Variants in ZNF230 observed in about 807,000 individuals in gnomAD.
ZNF230 encodes the protein zinc finger protein FDZF2.
ZNF230 carries 12 observed loss-of-function variants against 10.0 expected under a neutral mutation model. The observed-to-expected ratio is 1.20, with a 90% confidence interval of 0.77 to 1.95. The LOEUF (loss-of-function observed/expected upper bound fraction) is 1.95. ZNF230 is among the 30% of genes most tolerant of loss of function. The probability of loss-of-function intolerance (pLI) is 0.00; values close to 1 mark genes in which losing one functional copy is unlikely to be tolerated. For missense variants in ZNF230, 532 were observed against 565.8 expected (o/e 0.94, Z 0.61); for synonymous variants, 174 against 193.6 (o/e 0.90, Z 0.84).
At position 44,013,866 on chromosome 19, in the gene ZNF230, C is replaced by T. The variant is rs950126298; in HGVS notation, c.*2402C>T. The T allele has an allele frequency of 1.3e-5, 2 of 152,112 alleles. No homozygotes were observed. Among genetic ancestry groups the T allele is most frequent in the African/African-American group, 4.8e-5 (2 of 41,434 alleles). 9.4% of individuals were successfully genotyped at this position (152,112 alleles called of 1,614,324 possible). On this transcript the variant is annotated 3_prime_UTR_variant, in exon 5 of 5. Coordinates refer to ENST00000429154, the MANE Select transcript of ZNF230 (RefSeq NM_006300.4). ...TGCAATAAATTTGCAAACTTATTAA[C>T]GTTAATCACTTACCTACCAGGACTC...
chr19:44,009,611 A>G (rs970962714), intron 4 of ZNF230, among the ~76,000 whole-genome samples: 1 of 152,190 alleles, frequency 6.6e-6, no homozygotes, highest in African/African-American at 2.4e-5. Flanking sequence ...GGTAACAAAT[A>G]ACAGACTTCA....
intron 1 of ZNF230, chr19:44,003,894 T>G (rs1330895214): frequency 6.6e-6 from 1 of 152,462 alleles, no homozygotes; most frequent in African/African-American, 2.4e-5. Context: ...ACACTGTGGC[T>G]CTGTGAAGTA....
intron 1 of ZNF230, among the ~76,000 whole-genome samples, chr19:44,006,045 T>C (rs1204711044): frequency 2.0e-5 from 2 of 101,326 alleles, no homozygotes; most frequent in Non-Finnish European, 4.8e-5. Flanking sequence ...TTTATAAACA[T>C]GGTGGTTTTT....
intron 2 of ZNF230, among the ~76,000 whole-genome samples, chr19:44,007,823 T>A (rs1361805040): frequency 6.6e-6 from 1 of 152,182 alleles, no homozygotes; most frequent in African/African-American, 2.4e-5. Context: ...ACTGGGCCAA[T>A]TGCCCAGGAT....
At position 44,012,331 on chromosome 19, in the gene ZNF230, G is replaced by A. The variant is rs535298745; in HGVS notation, c.*867G>A. On this transcript the variant is annotated 3_prime_UTR_variant, in exon 5 of 5. Transcript: ENST00000429154. ...CAAAGGGGCAAAACATTAAAAAGAG[G>A]CATATGGTAAGCACTTCAGTGTGTG... The A allele has an allele frequency of 2.0e-6, 1 of 506,156 alleles. No homozygotes were observed. Among genetic ancestry groups the A allele is most frequent in the Non-Finnish European group, 3.9e-6 (1 of 254,024 alleles). The allele number at this position is 506,156 out of a possible 1,614,324, so 31.4% of individuals were successfully genotyped here.
intron 1 of ZNF230, chr19:44,003,572 A>G (rs1252665233): frequency 6.5e-6 from 1 of 153,496 alleles, no homozygotes; most frequent in South Asian, 2.0e-4. Flanking sequence ...AGGCCTTCTG[A>G]CCTCTTTTTA....
rs111311736 is a variant in ZNF230, at chr19:44,009,098, C to T, written c.157C>T (p.His53Tyr). The T allele has an allele frequency of 6.4e-3, 10,284 of 1,614,104 alleles. 44 individuals are homozygous for T. Among genetic ancestry groups the T allele is most frequent in the Non-Finnish European group, 7.9e-3 (9,274 of 1,179,970 alleles). Residue 53 changes from histidine (H) to tyrosine (Y), a missense_variant, in exon 4 of 5, where the codon CAC becomes TAC. Coordinates refer to ENST00000429154, the MANE Select transcript of ZNF230 (RefSeq NM_006300.4). ...NLLSVGHQPFHPFHFLREEKF... is the reference protein window; with the variant it reads ...NLLSVGHQPFYPFHFLREEKF... ...CATGTTCACAGGGCATCAACCATTC[C>T]ACCCTTTCCACTTCCTAAGGGAAGA...
chr19:44,007,093 G>A lies in ZNF230; in HGVS notation c.15G>A (p.Lys5=), dbSNP rs896288574. 15 of 1,604,926 alleles carry A rather than the reference G, an allele frequency of 9.3e-6. No homozygotes were observed. Among genetic ancestry groups the A allele is most frequent in the Non-Finnish European group, 1.3e-5 (15 of 1,172,752 alleles). ...TAGTAGGAAAAATGACCACATTCAA[G>A]GTGAGTAGAGCTCACCTCTCTTGCT... MTTF[K]EAVTFKDVAV... The change falls in exon 2 of 5, where the codon AAG becomes AAA. Residue 5 remains lysine (K), a splice_region_variant and synonymous_variant. Transcript: ENST00000429154.
chr19:44,009,073 C>G lies in ZNF230; in HGVS notation c.143-11C>G, dbSNP rs768127998. 6.2e-7 allele frequency: 1 copy of G among 1,613,606 alleles called. No homozygotes were observed. Among genetic ancestry groups the G allele is most frequent in the Non-Finnish European group, 8.5e-7 (1 of 1,179,786 alleles). On this transcript the variant is annotated splice_polypyrimidine_tract_variant and intron_variant, in intron 3 of 4. Coordinates refer to ENST00000429154, the MANE Select transcript of ZNF230 (RefSeq NM_006300.4). ...AATTGGTATTAAGCACATGACTTTGCATGTTCACAGGGCATCAACCATTCC... is the reference window on the plus strand; with the variant it reads ...AATTGGTATTAAGCACATGACTTTGGATGTTCACAGGGCATCAACCATTCC...
At chr19:44,007,504 A>G (rs936494229) in intron 2 of ZNF230, among the ~76,000 whole-genome samples, 1 of 152,148 alleles carries the variant, frequency 6.6e-6, no homozygotes, top group Admixed American at 6.5e-5. Flanking sequence ...TCAGATAGTT[A>G]GTCCCCCTTT....
At chr19:44,007,351 C>G (rs968196131) in intron 2 of ZNF230, among the ~76,000 whole-genome samples, 7 of 152,118 alleles carry the variant, frequency 4.6e-5, no homozygotes, top group Non-Finnish European at 1.0e-4. Flanking sequence ...CACCTCCTTG[C>G]TCTCAAATTA....
chr19:44,009,055 A>C, intron 3 of ZNF230, 29 bp from the exon 4 acceptor site: 1 of 1,612,770 alleles, frequency 6.2e-7, no homozygotes, highest in Non-Finnish European at 8.5e-7. Context: ...ATGAATTGGT[A>C]TTAAGCACAT....
chr19:44,008,273 C>T (rs904086689), intron 2 of ZNF230, among the ~76,000 whole-genome samples: 6 of 152,170 alleles, frequency 3.9e-5, no homozygotes, highest in East Asian at 1.9e-4. Context: ...CTGGGAAGGA[C>T]ACTGCATAAC....
Position 44,008,770 on chromosome 19 carries a change from A to T in ZNF230, c.16-20A>T, listed in dbSNP as rs555016436. Reference sequence around the variant, plus strand: ...AGTCCATGGTCATAGGATTGAGGTTATGTATCCTTGATGTTATAGGAGGCA... The same window carrying T: ...AGTCCATGGTCATAGGATTGAGGTTTTGTATCCTTGATGTTATAGGAGGCA... On this transcript the variant is annotated intron_variant, in intron 2 of 4. Transcript: ENST00000429154. The T allele has an allele frequency of 6.2e-7, 1 of 1,612,550 alleles. No homozygotes were observed. Among genetic ancestry groups the T allele is most frequent in the East Asian group, 2.2e-5 (1 of 44,852 alleles).
In ZNF230 at chr19:44,010,829, G is replaced by A. The variant is rs1036094618; in HGVS notation, c.790G>A (p.Asp264Asn). ...CEKCGRAFIHDFQLQKHQIIH... is the reference protein window; with the variant it reads ...CEKCGRAFIHNFQLQKHQIIH... ...GAAATGTGGGAGGGCCTTCATTCAC[G>A]ATTTCCAGCTTCAGAAACATCAGAT... The change falls in exon 5 of 5, where the codon GAT becomes AAT. Residue 264 changes from aspartate (D) to asparagine (N), a missense_variant. Transcript: ENST00000429154. The A allele has an allele frequency of 1.2e-5, 20 of 1,614,080 alleles. No homozygotes were observed. Among genetic ancestry groups the A allele is most frequent in the African/African-American group, 1.1e-4 (8 of 74,926 alleles).
In ZNF230 at chr19:44,011,359, A is replaced by G. The variant is rs1260721608; in HGVS notation, c.1320A>G (p.Gly440=). 6.2e-7 allele frequency: 1 copy of G among 1,614,096 alleles called. No homozygotes were observed. Among genetic ancestry groups the G allele is most frequent in the Non-Finnish European group, 8.5e-7 (1 of 1,179,938 alleles). ...VHRSFCKDQQ[G]DHNGENSSKC... ...GGTCTTTCTGTAAAGACCAACAAGG[A>G]GACCACAATGGAGAAAACTCATCCA... Residue 440 remains glycine (G), a synonymous_variant, in exon 5 of 5, where the codon GGA becomes GGG. Transcript: ENST00000429154.
chr19:44,012,028 C>T lies in ZNF230; in HGVS notation c.*564C>T, dbSNP rs1976190819. ...CTTAACTATTGTGAAGAATAGTGCT[C>T]CAATGAACATGGTAGTGTAGATATC... On this transcript the variant is annotated 3_prime_UTR_variant, in exon 5 of 5. Transcript: ENST00000429154. 1 of 198,938 alleles carries T rather than the reference C, an allele frequency of 5.0e-6. No homozygotes were observed. The highest frequency in any genetic ancestry group is 2.4e-5 in the African/African-American group (1 of 41,962). The allele number at this position is 198,938 out of a possible 1,614,324, so 12.3% of individuals were successfully genotyped here.
rs1976192675 is a variant in ZNF230 at position 44,012,172 on chromosome 19, G to A, written c.*708G>A. On this transcript the variant is annotated 3_prime_UTR_variant, in exon 5 of 5. Coordinates refer to ENST00000429154, the MANE Select transcript of ZNF230 (RefSeq NM_006300.4). ...GCAAAACTATGGAAGTGTGGCTAGG[G>A]TGATATGGCTTCATACCACCTCAGG... 3.1e-6 allele frequency: 1 copy of A among 320,556 alleles called. No individual in the cohort carries two copies. Among genetic ancestry groups the A allele is most frequent in the Non-Finnish European group, 6.1e-6 (1 of 164,802 alleles). The allele number at this position is 320,556 out of a possible 1,614,324, so 19.9% of individuals were successfully genotyped here.
intron 4 of ZNF230, 175 bp downstream of exon 4, chr19:44,009,345 T>C (rs1459160597): frequency 1.4e-6 from 1 of 700,902 alleles, no homozygotes; most frequent in Non-Finnish European, 2.4e-6. Flanking sequence ...GACATCTATT[T>C]TCCCCCGAGC....
Sources: allele counts gnomAD v4.1 joint callset (sites outside exome capture counted in the v4.1 genomes callset), GRCh38; gene constraint gnomAD v4.1.1; transcripts MANE v1.5; gene names NCBI Gene and HGNC (gene_info 2026-07-23, HGNC 2026-07-21).